The following KCNMA1 variants were observed in gnomAD, a reference collection of about 807,000 sequenced individuals.
The protein encoded by KCNMA1 is potassium calcium-activated channel subfamily M alpha 1.
A neutral mutation model predicts 140.0 loss-of-function variants in KCNMA1; 29 were observed. The observed-to-expected ratio is 0.21, with a 90% CI of 0.15 to 0.28. KCNMA1 has a LOEUF of 0.28. Ranked by LOEUF, KCNMA1 falls within the 10% of genes least tolerant of loss-of-function variation. KCNMA1 has a pLI of 1.00. For missense variants in KCNMA1, 880 were observed against 1,602.2 expected (o/e 0.55, Z 7.70); for synonymous variants, 612 against 611.9 (o/e 1.00, Z 0.00).
intron 14 of KCNMA1, among the ~76,000 whole-genome samples, chr10:77,041,828 T>C (rs2094721028): frequency 6.6e-6 from 1 of 152,150 alleles, no homozygotes; most frequent in Non-Finnish European, 1.5e-5. Flanking sequence ...TGTGCTTATC[T>C]TGTATTAAAA....
intron 10 of KCNMA1, among the ~76,000 whole-genome samples, chr10:77,088,046 A>T (rs1444502046): frequency 6.6e-6 from 1 of 152,142 alleles, no homozygotes; most frequent in East Asian, 1.9e-4. Flanking sequence ...TGCTCACTGC[A>T]ACTTCCCAGG....
At chr10:77,251,658 C>T (rs989247585) in intron 2 of KCNMA1, among the ~76,000 whole-genome samples, 55 of 152,158 alleles carry the variant, frequency 3.6e-4, no homozygotes, top group Non-Finnish European at 6.8e-4. Flanking sequence ...GGAATATCAA[C>T]TTTAACAGCT....
At chr10:76,914,123 A>T in intron 24 of KCNMA1, 1 of 1,550,378 alleles carries the variant, frequency 6.5e-7, no homozygotes, top group Non-Finnish European at 8.7e-7. Context: ...ACCAAAGGCA[A>T]CTTGCCCGGT....
At chr10:77,262,508 T>C (rs2062284212) in intron 2 of KCNMA1, among the ~76,000 whole-genome samples, 1 of 152,076 alleles carries the variant, frequency 6.6e-6, no homozygotes, top group Non-Finnish European at 1.5e-5. Flanking sequence ...TTTGGATGTC[T>C]TCCCTCCTCC....
At chr10:77,558,982 G>A (rs886100397) in intron 1 of KCNMA1, among the ~76,000 whole-genome samples, 1 of 152,110 alleles carries the variant, frequency 6.6e-6, no homozygotes, top group African/African-American at 2.4e-5. Context: ...CATAGCAGTT[G>A]CAGTGAAGCT....
chr10:77,162,235 T>G (rs2098564204), intron 5 of KCNMA1, among the ~76,000 whole-genome samples: 1 of 152,238 alleles, frequency 6.6e-6, no homozygotes, highest in Admixed American at 6.5e-5. Flanking sequence ...GATAATGCTG[T>G]GGACCAAACA....
intron 1 of KCNMA1, among the ~76,000 whole-genome samples, chr10:77,619,465 C>G (rs1048469611): frequency 6.6e-6 from 1 of 152,132 alleles, no homozygotes; most frequent in African/African-American, 2.4e-5. Flanking sequence ...AACATAGCCT[C>G]AGAAGTCACA....
intron 5 of KCNMA1, among the ~76,000 whole-genome samples, chr10:77,164,556 T>G (rs1275528049): frequency 6.6e-6 from 1 of 152,038 alleles, no homozygotes; most frequent in African/African-American, 2.4e-5. Context: ...ACATGATCTT[T>G]AAGAAAAGAC....
chr10:77,027,751 G>C, intron 16 of KCNMA1, 72 bp downstream of exon 16: 1 of 1,211,628 alleles, frequency 8.3e-7, no homozygotes, highest in Non-Finnish European at 1.2e-6. Context: ...AAGCAGAAGT[G>C]AACCGACCGT....
chr10:77,094,119 T>G (rs1289022123), intron 9 of KCNMA1, among the ~76,000 whole-genome samples: 2 of 152,206 alleles, frequency 1.3e-5, no homozygotes, highest in Non-Finnish European at 2.9e-5. Flanking sequence ...AAGTGCCATA[T>G]GGTATCTGTA....
chr10:76,952,169 G>A (rs2066518853), intron 21 of KCNMA1: 1 of 1,551,154 alleles, frequency 6.4e-7, no homozygotes, highest in African/African-American at 1.4e-5. Flanking sequence ...CCTGCCACAA[G>A]TGGTAACATC....
chr10:77,011,338 G>T (rs2090677062), intron 18 of KCNMA1, among the ~76,000 whole-genome samples: 1 of 152,174 alleles, frequency 6.6e-6, no homozygotes, highest in African/African-American at 2.4e-5. Flanking sequence ...ACTTGAGACA[G>T]AATATGCCAG....
At chr10:77,619,002 C>T (rs1430743175) in intron 1 of KCNMA1, among the ~76,000 whole-genome samples, 10 of 152,114 alleles carry the variant, frequency 6.6e-5, no homozygotes, top group Non-Finnish European at 1.3e-4. Context: ...TCCTAAGTGG[C>T]TGGGTGTGGA....
intron 16 of KCNMA1, chr10:77,020,690 C>G (rs1453604954): frequency 4.6e-5 from 7 of 152,308 alleles, no homozygotes; most frequent in South Asian, 2.1e-4. Context: ...AGTGTTAGAG[C>G]TCATACAGTT....
intron 9 of KCNMA1, among the ~76,000 whole-genome samples, chr10:77,099,722 A>G (rs1301940061): frequency 6.6e-6 from 1 of 151,930 alleles, no homozygotes; most frequent in Non-Finnish European, 1.5e-5. Flanking sequence ...CTCAAAAAAA[A>G]AAAAAAAGAA....
chr10:77,228,649 A>C (rs2052430021), intron 3 of KCNMA1, among the ~76,000 whole-genome samples: 1 of 152,228 alleles, frequency 6.6e-6, no homozygotes, highest in South Asian at 2.1e-4. Context: ...ATTTGAAGGC[A>C]CATAAAATTA....
chr10:77,575,236 T>G (rs980257009), intron 1 of KCNMA1, among the ~76,000 whole-genome samples: 2 of 152,132 alleles, frequency 1.3e-5, no homozygotes, highest in Non-Finnish European at 2.9e-5. Context: ...GCTCCCTGAA[T>G]ACAGGGCAAA....
intron 23 of KCNMA1, among the ~76,000 whole-genome samples, chr10:76,942,293 T>A (rs773925610): frequency 2.2e-4 from 33 of 152,160 alleles, no homozygotes; most frequent in Non-Finnish European, 3.4e-4. Flanking sequence ...GTCCCATTCA[T>A]GAGGGCTCCA....
chr10:77,045,989 C>T (rs138737514), intron 14 of KCNMA1, among the ~76,000 whole-genome samples: 13 of 152,184 alleles, frequency 8.5e-5, no homozygotes, highest in African/African-American at 3.1e-4. Context: ...ATATTATGCA[C>T]ATCAAAAATA....
Sources: allele counts gnomAD v4.1 joint callset (sites outside exome capture counted in the v4.1 genomes callset), GRCh38; gene constraint gnomAD v4.1.1; transcripts MANE v1.5; gene names NCBI Gene and HGNC (gene_info 2026-07-23, HGNC 2026-07-21).